The following SULF2 variants were observed in gnomAD, a reference collection of about 807,000 sequenced individuals.
SULF2 encodes the protein sulfatase 2.
Under a neutral mutation model 107.7 loss-of-function variants are expected in SULF2, and 52 were observed. The ratio of observed to expected loss-of-function variants is 0.48; its 90% CI spans 0.39 to 0.61. The LOEUF (loss-of-function observed/expected upper bound fraction) is 0.61. Ranked by LOEUF, SULF2 falls within the 20% of genes least tolerant of loss-of-function variation. The pLI is 0.00. For synonymous variants in SULF2, 460 were observed against 464.3 expected (o/e 0.99, Z 0.12); for missense variants, 993 against 1,177.3 (o/e 0.84, Z 2.29).
intron 3 of SULF2, among the ~76,000 whole-genome samples, chr20:47,714,842 C>T (rs1272091603): frequency 6.6e-6 from 1 of 152,236 alleles, no homozygotes; most frequent in East Asian, 1.9e-4. Flanking sequence ...TTTGCCCTTG[C>T]TGTTACCTGA....
chr20:47,762,764 G>A (rs1421197142), intron 1 of SULF2, among the ~76,000 whole-genome samples: 1 of 152,220 alleles, frequency 6.6e-6, no homozygotes, highest in Non-Finnish European at 1.5e-5. Flanking sequence ...GGAGCCCGGG[G>A]CACAGTCAGC....
chr20:47,710,027 G>A (rs888343563), intron 3 of SULF2, among the ~76,000 whole-genome samples: 6 of 151,440 alleles, frequency 4.0e-5, no homozygotes, highest in Admixed American at 1.3e-4. Context: ...TCAGCCTCTC[G>A]AGTAGCTGGG....
intron 2 of SULF2, among the ~76,000 whole-genome samples, chr20:47,756,550 A>G (rs1393913766): frequency 6.6e-6 from 1 of 152,226 alleles, no homozygotes; most frequent in Non-Finnish European, 1.5e-5. Context: ...AAGAGTGGAC[A>G]GAGGCTGAGG....
chr20:47,728,998 AC>A (rs2089523265), intron 3 of SULF2, among the ~76,000 whole-genome samples: 3 of 152,222 alleles, frequency 2.0e-5, no homozygotes, highest in African/African-American at 7.2e-5. Flanking sequence ...TGGGCAGAAT[AC>A]ACAGTCAGTG....
At chr20:47,776,122 T>G (rs60900891) in intron 1 of SULF2, among the ~76,000 whole-genome samples, 5,222 of 152,216 alleles carry the variant, frequency 0.034, 316 homozygotes, top group African/African-American at 0.12. Context: ...GAAGGGAAAG[T>G]GCAATGAAAA....
At chr20:47,705,374 A>G (rs1307657938) in intron 3 of SULF2, among the ~76,000 whole-genome samples, 1 of 152,222 alleles carries the variant, frequency 6.6e-6, no homozygotes, top group Non-Finnish European at 1.5e-5. Context: ...TCTGAGTCAT[A>G]TCCAGTTTTC....
At chr20:47,688,725 G>A (rs4810651) in intron 5 of SULF2, among the ~76,000 whole-genome samples, 2 of 151,784 alleles carry the variant, frequency 1.3e-5, no homozygotes, top group Admixed American at 6.6e-5. Context: ...CCCCTGGGAC[G>A]CAGCTCATCG....
rs1326737545 is a variant in SULF2, at chr20:47,673,285, T to A, written c.1381-892A>T. Among the ~76,000 whole-genome samples the A allele has an allele frequency of 2.0e-5, 3 of 152,210 alleles. No homozygotes were observed. The East Asian group carries it at 5.8e-4, about 29-fold the overall frequency. On this transcript the variant is annotated intron_variant, in intron 10 of 20. Coordinates refer to ENST00000688720, the MANE Select transcript of SULF2 (RefSeq NM_001387048.1). Reference sequence around the variant, plus strand: ...GGCCATGGGTCAGATCTGTTCCCTGTGTCTCTCCAGCACTTAGCATGTGCC... The same window carrying A: ...GGCCATGGGTCAGATCTGTTCCCTGAGTCTCTCCAGCACTTAGCATGTGCC...
chr20:47,745,373 G>T (rs1600632141), intron 2 of SULF2, among the ~76,000 whole-genome samples: 1 of 93,966 alleles, frequency 1.1e-5, no homozygotes, highest in Non-Finnish European at 2.0e-5. Context: ...GTTGTTCTGA[G>T]TTTTGAGGGA....
At chr20:47,731,649 C>T (rs1399408820) in intron 3 of SULF2, among the ~76,000 whole-genome samples, 1 of 152,188 alleles carries the variant, frequency 6.6e-6, no homozygotes, top group Admixed American at 6.5e-5. Context: ...GCAGAACTCA[C>T]ACATCAACAT....
intron 4 of SULF2, among the ~76,000 whole-genome samples, chr20:47,692,834 C>T (rs1044144525): frequency 6.6e-6 from 1 of 152,158 alleles, no homozygotes; most frequent in Admixed American, 6.5e-5. Context: ...TAAAGTTGTC[C>T]AAGATACATG....
intron 7 of SULF2, among the ~76,000 whole-genome samples, chr20:47,681,554 G>A (rs2146496866): frequency 6.6e-6 from 1 of 152,250 alleles, no homozygotes; most frequent in South Asian, 2.1e-4. Flanking sequence ...GAGACTGCCT[G>A]GTTTCAAGCC....
chr20:47,759,871 C>A (rs1310097351), intron 1 of SULF2, among the ~76,000 whole-genome samples: 1 of 152,238 alleles, frequency 6.6e-6, no homozygotes, highest in Non-Finnish European at 1.5e-5. Context: ...ACTACTGCAG[C>A]CTGCAATTTC....
At chr20:47,736,462 C>T (rs2089732341) in intron 3 of SULF2, among the ~76,000 whole-genome samples, 1 of 152,248 alleles carries the variant, frequency 6.6e-6, no homozygotes, top group South Asian at 2.1e-4. Context: ...TTTGAAAAGA[C>T]TCACTTTTTT....
At position 47,657,638 on chromosome 20, in the gene SULF2, A is replaced by G. The variant is rs1045833862; in HGVS notation, c.*724T>C. On this transcript the variant is annotated 3_prime_UTR_variant, in exon 21 of 21. Transcript: ENST00000688720. Reference sequence around the variant, plus strand: ...ATACTAGGAGAAATGGTATCTGGACAGGAACAGAAATGTCCACAACTGCGA... The same window carrying G: ...ATACTAGGAGAAATGGTATCTGGACGGGAACAGAAATGTCCACAACTGCGA... The G allele has an allele frequency of 2.0e-5, 3 of 152,216 alleles. No individual in the cohort carries two copies. Among genetic ancestry groups the G allele is most frequent in the Non-Finnish European group, 4.4e-5 (3 of 68,036 alleles). 9.4% of individuals were successfully genotyped at this position (152,216 alleles called of 1,614,324 possible). A position where few individuals can be genotyped will look rare whatever the true frequency, so the allele number is the denominator to read the frequency against.
At position 47,770,585 on chromosome 20, in the gene SULF2, G is replaced by A. The variant is rs563455125; in HGVS notation, c.-100-13122C>T. Among the ~76,000 whole-genome samples, 35 of 152,296 alleles carry A rather than the reference G, an allele frequency of 2.3e-4. 2 individuals are homozygous for A. Among genetic ancestry groups the A allele is most frequent in the African/African-American group, 7.5e-4 (31 of 41,550 alleles). On this transcript the variant is annotated intron_variant, in intron 1 of 20. Transcript: ENST00000688720. ...TACTAATACTGTGTAACAATTTACCGCAAAACTTAGTGGTGAATTAAAATC... is the reference window on the plus strand; with the variant it reads ...TACTAATACTGTGTAACAATTTACCACAAAACTTAGTGGTGAATTAAAATC...
At chr20:47,783,917 C>T (rs904381686) in intron 1 of SULF2, among the ~76,000 whole-genome samples, 8 of 152,236 alleles carry the variant, frequency 5.3e-5, no homozygotes, top group African/African-American at 1.9e-4. Flanking sequence ...ACATCTCTTA[C>T]AGGGAAGGGG....
In SULF2 at chr20:47,757,399, T is replaced by C; in HGVS notation, c.-36A>G. On this transcript the variant is annotated 5_prime_UTR_variant, in exon 2 of 21. Coordinates refer to ENST00000688720, the MANE Select transcript of SULF2 (RefSeq NM_001387048.1). ...TGCTGATCTGGTGCTTCTTTTGGGATGCGGGAGTCTCAAGTTGCGTCTGTG... is the reference window on the plus strand; with the variant it reads ...TGCTGATCTGGTGCTTCTTTTGGGACGCGGGAGTCTCAAGTTGCGTCTGTG... The C allele has an allele frequency of 1.3e-6, 2 of 1,539,038 alleles. No individual in the cohort carries two copies. Among genetic ancestry groups the C allele is most frequent in the Non-Finnish European group, 1.8e-6 (2 of 1,135,750 alleles).
rs1265860423 is a variant in SULF2, at chr20:47,683,012, T to A, written c.1046A>T (p.Asn349Ile). The change falls in exon 7 of 21, where the codon AAC becomes ATC. Residue 349 changes from asparagine (N) to isoleucine (I), a missense_variant. Transcript: ENST00000688720. The part of the protein sequence containing the change: ...IRVPFYVRGP[N>I]VEAGCLNPHI... ...CACTTACAGACAGCCGGCTTCCACG[T>A]TGGGGCCCCTCACGTAGAACGGGAC... The A allele has an allele frequency of 6.2e-7, 1 of 1,610,436 alleles. No individual in the cohort carries two copies. The highest frequency in any genetic ancestry group is 1.3e-5 in the African/African-American group (1 of 75,002).
Sources: allele counts gnomAD v4.1 joint callset (sites outside exome capture counted in the v4.1 genomes callset), GRCh38; gene constraint gnomAD v4.1.1; transcripts MANE v1.5; gene names NCBI Gene and HGNC (gene_info 2026-07-23, HGNC 2026-07-21).